Variants in TTLL13 observed in about 807,000 individuals in gnomAD.
The protein encoded by TTLL13 is tubulin tyrosine ligase like 13, also known as tubulin polyglutamylase TTLL13.
chr15:90,250,869 A>C, the TTLL13 span: 135 of 1,613,884 alleles, frequency 8.4e-5, no homozygotes, highest in Middle Eastern at 6.7e-4. Flanking sequence ...GGGAGGAGGA[A>C]GAGAAGGCGG....
At chr15:90,253,763 T>C in the TTLL13 span, among the ~76,000 whole-genome samples, 1 of 152,194 alleles carries the variant, frequency 6.6e-6, no homozygotes, top group African/African-American at 2.4e-5. Flanking sequence ...ATTAGGAGAC[T>C]GCGGGGTCCT....
the TTLL13 span, chr15:90,263,186 A>G: frequency 4.7e-6 from 7 of 1,474,800 alleles, no homozygotes; most frequent in Non-Finnish European, 6.3e-6. Context: ...AAAGGGAACA[A>G]GGGCTGTCAT....
the TTLL13 span, chr15:90,251,019 T>C: frequency 9.0e-6 from 11 of 1,222,740 alleles, no homozygotes; most frequent in Non-Finnish European, 1.2e-5. Context: ...AATGCTGGAG[T>C]GTCATTAACC....
chr15:90,256,105 A>C, the TTLL13 span: 6 of 1,608,402 alleles, frequency 3.7e-6, no homozygotes, highest in Non-Finnish European at 5.1e-6. Context: ...GCCTTGATGC[A>C]CAGAAACCTT....
At chr15:90,263,555 C>A in the TTLL13 span, 2 of 547,732 alleles carry the variant, frequency 3.7e-6, no homozygotes, top group African/African-American at 1.9e-5. Flanking sequence ...AAAGAGCTGC[C>A]GCTTTCACTA....
chr15:90,252,728 C>T, the TTLL13 span, among the ~76,000 whole-genome samples: 1 of 152,106 alleles, frequency 6.6e-6, no homozygotes, highest in Admixed American at 6.6e-5. Flanking sequence ...AGCAGCTGGG[C>T]ACGGTGGCTC....
chr15:90,256,420 C>T, the TTLL13 span: 6 of 1,217,916 alleles, frequency 4.9e-6, no homozygotes, highest in Admixed American at 7.1e-5. Flanking sequence ...CCCCGTTTTC[C>T]TGGAGGCAGT....
the TTLL13 span, chr15:90,250,713 G>A: frequency 6.2e-7 from 1 of 1,614,100 alleles, no homozygotes; most frequent in Non-Finnish European, 8.5e-7. Flanking sequence ...GTTAAAGAGG[G>A]AGTTACCAAC....
chr15:90,250,648 T>A, the TTLL13 span: 10 of 1,613,874 alleles, frequency 6.2e-6, no homozygotes, highest in Non-Finnish European at 8.5e-6. Context: ...CGAGTACCTG[T>A]AGGACCATGG....
At chr15:90,264,162 G>A in the TTLL13 span, 35 of 699,438 alleles carry the variant, frequency 5.0e-5, no homozygotes, top group Non-Finnish European at 2.6e-5. Flanking sequence ...TTCCACCAGT[G>A]TAAGAATGGG....
the TTLL13 span, chr15:90,253,134 C>T: frequency 3.0e-6 from 2 of 659,140 alleles, no homozygotes; most frequent in South Asian, 2.3e-5. Context: ...CAAGAACTAC[C>T]TCCCTCTTCA....
At chr15:90,250,643 A>C in the TTLL13 span, 4 of 1,613,210 alleles carry the variant, frequency 2.5e-6, no homozygotes, top group African/African-American at 5.3e-5. Context: ...GGAGCCGAGT[A>C]CCTGTAGGAC....
chr15:90,255,833 CT>C, the TTLL13 span: 1 of 1,614,194 alleles, frequency 6.2e-7, no homozygotes, highest in Admixed American at 1.7e-5. Context: ...CATGTACAAA[CT>C]CTATCCCTCT....
the TTLL13 span, among the ~76,000 whole-genome samples, chr15:90,256,610 C>CTTTCTTTCTCT: frequency 2.5e-5 from 1 of 40,418 alleles, no homozygotes; most frequent in Admixed American, 3.3e-4. Context: ...TCTTTCTTTC[C>CTTTCTTTCTCT]TTCCTTCCTT....
the TTLL13 span, chr15:90,251,609 C>G: frequency 6.2e-7 from 1 of 1,613,406 alleles, no homozygotes. Context: ...GCACCCAGCC[C>G]GTCGCTCACA....
chr15:90,253,222 G>A, the TTLL13 span: 1 of 1,587,386 alleles, frequency 6.3e-7, no homozygotes, highest in African/African-American at 1.3e-5. Context: ...GTCCATGCTG[G>A]CACTACTGAT....
chr15:90,263,134 C>T, the TTLL13 span: 1 of 1,525,904 alleles, frequency 6.6e-7, no homozygotes, highest in African/African-American at 1.4e-5. Context: ...GAAAAAACTT[C>T]ATGAGAGTCG....
chr15:90,250,723 C>A, the TTLL13 span: 2 of 1,614,136 alleles, frequency 1.2e-6, no homozygotes, highest in Non-Finnish European at 1.7e-6. Context: ...GAGTTACCAA[C>A]CCCTCTAACT....
the TTLL13 span, chr15:90,258,659 T>C: frequency 8.4e-7 from 1 of 1,194,014 alleles, no homozygotes; most frequent in Non-Finnish European, 1.2e-6. Flanking sequence ...AGGAATATCT[T>C]AGACCCTCTA....
Sources: allele counts gnomAD v4.1 joint callset (sites outside exome capture counted in the v4.1 genomes callset), GRCh38; gene constraint gnomAD v4.1.1; transcripts MANE v1.5; gene names NCBI Gene and HGNC (gene_info 2026-07-23, HGNC 2026-07-21).